PPP6R3: variants seen among roughly 807,000 people sequenced by gnomAD.
PPP6R3 encodes serine/threonine-protein phosphatase 6 regulatory subunit 3.
PPP6R3 carries 38 observed loss-of-function variants against 110.7 expected under a neutral mutation model. The ratio of observed to expected loss-of-function variants is 0.34; its 90% CI spans 0.26 to 0.45. PPP6R3 has a LOEUF of 0.45. PPP6R3 is among the 20% of genes least tolerant of loss of function. PPP6R3 has a pLI of 1.00. For synonymous variants in PPP6R3, 369 were observed against 373.5 expected (o/e 0.99, Z 0.14); for missense variants, 870 against 1,062.4 (o/e 0.82, Z 2.52).
At chr11:68,579,136 C>T (rs992193246) in intron 14 of PPP6R3, among the ~76,000 whole-genome samples, 7 of 152,164 alleles carry the variant, frequency 4.6e-5, no homozygotes, top group African/African-American at 1.7e-4. Context: ...CCAGGAGTTT[C>T]CGCAGGTTGG....
rs1342809044 is a variant in PPP6R3, at chr11:68,569,778, T to C, written c.1159T>C (p.Phe387Leu). 3 of 1,602,720 alleles carry C rather than the reference T, an allele frequency of 1.9e-6. No homozygotes were observed. Among genetic ancestry groups the C allele is most frequent in the Non-Finnish European group, 2.6e-6 (3 of 1,172,588 alleles). ...NMFFKYTWNN[F>L]LHTQVEICIA... ...GTTCTTCAAGTATACATGGAATAACTTTTTGCATACACAAGTGGAAATTTG... is the reference window on the plus strand; with the variant it reads ...GTTCTTCAAGTATACATGGAATAACCTTTTGCATACACAAGTGGAAATTTG... The change falls in exon 11 of 24, where the codon TTT becomes CTT. Residue 387 changes from phenylalanine to leucine, a missense_variant. Coordinates refer to ENST00000393800, the MANE Select transcript of PPP6R3 (RefSeq NM_001164161.2).
intron 1 of PPP6R3, among the ~76,000 whole-genome samples, chr11:68,504,219 T>C (rs1172558547): frequency 1.2e-5 from 1 of 84,948 alleles, no homozygotes; most frequent in African/African-American, 4.2e-5. Context: ...GTAGAAATTG[T>C]TTTTTTTTTC....
At chr11:68,597,841 A>C (rs918658578) in intron 19 of PPP6R3, among the ~76,000 whole-genome samples, 12 of 148,486 alleles carry the variant, frequency 8.1e-5, no homozygotes, top group Admixed American at 2.7e-4. Context: ...AAAGCTGGGC[A>C]TGGTGGCATA....
chr11:68,526,713 C>A (rs914811789), intron 2 of PPP6R3, among the ~76,000 whole-genome samples: 1 of 152,108 alleles, frequency 6.6e-6, no homozygotes, highest in African/African-American at 2.4e-5. Context: ...ATCCTTATTA[C>A]TTGCCTTTCC....
At chr11:68,531,300 G>A (rs1054717733) in intron 2 of PPP6R3, among the ~76,000 whole-genome samples, 6 of 135,986 alleles carry the variant, frequency 4.4e-5, no homozygotes, top group South Asian at 4.9e-4. Flanking sequence ...CAGAATCTGA[G>A]ACTGTGTTTT....
chr11:68,549,304 G>A (rs7104345), intron 5 of PPP6R3, among the ~76,000 whole-genome samples: 35,034 of 152,188 alleles, frequency 0.23, 4,283 homozygotes, highest in Middle Eastern at 0.32. Flanking sequence ...AATGAGTTTT[G>A]TTGAGAATGC....
chr11:68,474,029 T>C (rs1219884002), intron 1 of PPP6R3, among the ~76,000 whole-genome samples: 1 of 150,386 alleles, frequency 6.6e-6, no homozygotes, highest in East Asian at 2.0e-4. Flanking sequence ...ATTTGCATGT[T>C]AAAAAGCAAT....
chr11:68,506,327 A>G (rs1276842021), intron 1 of PPP6R3, among the ~76,000 whole-genome samples: 1 of 144,096 alleles, frequency 6.9e-6, no homozygotes, highest in East Asian at 2.1e-4. Context: ...GCTGATCTCT[A>G]AGTCCTGGCC....
intron 1 of PPP6R3, among the ~76,000 whole-genome samples, chr11:68,486,971 TTC>T (rs1202223789): frequency 1.3e-5 from 2 of 152,310 alleles, no homozygotes; most frequent in South Asian, 2.1e-4. Context: ...CTTCTCTCAT[TTC>T]TCTTTCTCCT....
chr11:68,515,713 G>A (rs1354865358), intron 1 of PPP6R3, among the ~76,000 whole-genome samples: 6 of 152,132 alleles, frequency 3.9e-5, no homozygotes, highest in African/African-American at 1.2e-4. Context: ...CACTAATCCT[G>A]TCAATTCAGG....
chr11:68,519,383 A>G (rs2099152761), intron 1 of PPP6R3, 118 bp from the exon 2 acceptor site: 1 of 384,236 alleles, frequency 2.6e-6, no homozygotes, highest in Non-Finnish European at 4.6e-6. Context: ...GAACTTTTTA[A>G]TTCCCTGTGG....
Position 68,573,901 on chromosome 11 carries a change from A to G in PPP6R3, c.1344-208A>G, listed in dbSNP as rs1216252916. Among the ~76,000 whole-genome samples, 3 of 152,232 alleles carry G rather than the reference A, an allele frequency of 2.0e-5. No individual in the cohort carries two copies. The East Asian group carries it at 5.8e-4, about 29-fold the overall frequency. On this transcript the variant is annotated intron_variant, in intron 12 of 23. Coordinates refer to ENST00000393800, the MANE Select transcript of PPP6R3 (RefSeq NM_001164161.2). ...GACTGAGGCTGCCATATAATCTTTT[A>G]CAATTTCACACCCCTCCCTGACCAT...
intron 1 of PPP6R3, among the ~76,000 whole-genome samples, chr11:68,471,512 A>G (rs988152491): frequency 1.3e-5 from 2 of 152,064 alleles, no homozygotes; most frequent in African/African-American, 4.8e-5. Flanking sequence ...GACTCGTCTC[A>G]TGGCTCTGGC....
rs373918127 is a variant in PPP6R3, at chr11:68,599,849, C to T, written c.2039-492C>T. ...TAGAAATGGGAGGTTTGAGGCCAGG[C>T]GCGGTGGCTCACGCCTGTAATCCCA... On this transcript the variant is annotated intron_variant, in intron 19 of 23. Coordinates refer to ENST00000393800, the MANE Select transcript of PPP6R3 (RefSeq NM_001164161.2). 9.6e-4 allele frequency among the ~76,000 whole-genome samples: 145 copies of T among 151,752 alleles called. 1 individual carries two copies. Among genetic ancestry groups the T allele is most frequent in the African/African-American group, 3.3e-3 (135 of 41,374 alleles).
chr11:68,606,921 A>G (rs780146018), intron 22 of PPP6R3, among the ~76,000 whole-genome samples: 8 of 152,250 alleles, frequency 5.3e-5, no homozygotes, highest in Non-Finnish European at 7.3e-5. Context: ...AGTTTAAAAA[A>G]TCAGTAGTCT....
chr11:68,461,265 G>A (rs1434850085), intron 1 of PPP6R3, among the ~76,000 whole-genome samples: 2 of 152,016 alleles, frequency 1.3e-5, no homozygotes, highest in Non-Finnish European at 2.9e-5. Context: ...CGGGGAGCGC[G>A]TCAAGTTGAG....
chr11:68,567,237 A>G (rs891781682), intron 10 of PPP6R3, 71 bp downstream of exon 10: 8 of 1,395,022 alleles, frequency 5.7e-6, no homozygotes, highest in East Asian at 5.3e-5. Context: ...CCAAGTTACA[A>G]CCTTACAAAT....
chr11:68,560,779 TC>T (rs1386673380), intron 8 of PPP6R3, among the ~76,000 whole-genome samples: 1 of 152,070 alleles, frequency 6.6e-6, no homozygotes, highest in Non-Finnish European at 1.5e-5. Flanking sequence ...GTTCTAGGAC[TC>T]CCATGCATAC....
In PPP6R3 at chr11:68,565,109, A is replaced by G. The variant is rs1593229931; in HGVS notation, c.975+677A>G. ...TAAGTTTCCTTTTTTTTCCTGCCCTATATCATTGAATCTGGTGTATCTCGG... is the reference window on the plus strand; with the variant it reads ...TAAGTTTCCTTTTTTTTCCTGCCCTGTATCATTGAATCTGGTGTATCTCGG... On this transcript the variant is annotated intron_variant, in intron 9 of 23. Transcript: ENST00000393800. Among the ~76,000 whole-genome samples, 4 of 151,058 alleles carry G rather than the reference A, an allele frequency of 2.6e-5. No homozygotes were observed. In the South Asian group the frequency reaches 6.3e-4, roughly 24 times the overall value.
Sources: allele counts gnomAD v4.1 joint callset (sites outside exome capture counted in the v4.1 genomes callset), GRCh38; gene constraint gnomAD v4.1.1; transcripts MANE v1.5; gene names NCBI Gene and HGNC (gene_info 2026-07-23, HGNC 2026-07-21).